The following TMEM132B variants were observed in gnomAD, a reference collection of about 807,000 sequenced individuals.
TMEM132B encodes the protein transmembrane protein 132B.
Under a neutral mutation model 90.8 loss-of-function variants are expected in TMEM132B, and 18 were observed. That is an observed-to-expected ratio of 0.20 (90% confidence interval 0.14 to 0.29). TMEM132B has a LOEUF of 0.29. Ranked by LOEUF, TMEM132B falls within the 10% of genes least tolerant of loss-of-function variation. The probability of loss-of-function intolerance (pLI) is 1.00; values close to 1 mark genes in which losing one functional copy is unlikely to be tolerated. For missense variants in TMEM132B, 1,096 were observed against 1,326.8 expected, an observed-to-expected ratio of 0.83 and a Z score of 2.70; for synonymous variants, 504 against 523.3, an observed-to-expected ratio of 0.96 and a Z score of 0.50.
At chr12:125,201,751 G>A (rs542123981) in intron 1 of TMEM132B, among the ~76,000 whole-genome samples, 1 of 152,344 alleles carries the variant, frequency 6.6e-6, no homozygotes, top group African/African-American at 2.4e-5. Flanking sequence ...GATTAAGGGA[G>A]ATATTGTGTA....
At chr12:125,191,442 T>A (rs1303570473) in intron 1 of TMEM132B, among the ~76,000 whole-genome samples, 3 of 152,080 alleles carry the variant, frequency 2.0e-5, no homozygotes, top group Non-Finnish European at 4.4e-5. Flanking sequence ...AGGATTAGGA[T>A]CCCAGCCCAG....
At chr12:125,440,527 C>T (rs895265973) in intron 3 of TMEM132B, among the ~76,000 whole-genome samples, 2 of 152,222 alleles carry the variant, frequency 1.3e-5, no homozygotes, top group East Asian at 1.9e-4. Flanking sequence ...CATTAGGACC[C>T]GCGATTATTT....
In TMEM132B at chr12:125,302,363, T is replaced by TA. The variant is rs527250787; in HGVS notation, c.68-47075dup. Among the ~76,000 whole-genome samples, 230 of 137,108 alleles carry TA rather than the reference T, an allele frequency of 1.7e-3. 1 individual carries two copies. The highest frequency in any genetic ancestry group is 5.9e-3 in the South Asian group (25 of 4,216). The allele number at this position is 137,108 out of a possible 152,430, so 89.9% of individuals were successfully genotyped here. A position where few individuals can be genotyped will look rare whatever the true frequency, so the allele number is the denominator to read the frequency against. On this transcript the variant is annotated intron_variant, in intron 1 of 8. Coordinates refer to ENST00000682704, the MANE Select transcript of TMEM132B (RefSeq NM_001366854.1). ...CTGGGTGAAAGAATCAGATCCTGTC[T>TA]AAAAAAAAAAAAAAGTGAGCCTGGC...
rs1458075923 is a variant in TMEM132B, at chr12:125,432,528, T to TATAGAGAGAGAGAG, written c.1106+16852_1106+16853insTAGAGAGAGAGAGA. 2.6e-4 allele frequency among the ~76,000 whole-genome samples: 10 copies of TATAGAGAGAGAGAG among 39,128 alleles called. 3 individuals are homozygous for TATAGAGAGAGAGAG. Among genetic ancestry groups the TATAGAGAGAGAGAG allele is most frequent in the Non-Finnish European group, 4.5e-4 (9 of 20,094 alleles). 25.7% of individuals were successfully genotyped at this position (39,128 alleles called of 152,430 possible). ...GTGTGTGTGTATATATATATATATA[T>TATAGAGAGAGAGAG]AGAGAGAGAGAGAGAGAGAGAGAGA... is the stretch of plus-strand genomic sequence containing the variant. On this transcript the variant is annotated intron_variant, in intron 3 of 8. Coordinates refer to ENST00000682704, the MANE Select transcript of TMEM132B (RefSeq NM_001366854.1).
At chr12:125,346,397 A>G (rs189990967) in intron 1 of TMEM132B, among the ~76,000 whole-genome samples, 1 of 152,344 alleles carries the variant, frequency 6.6e-6, no homozygotes, top group Admixed American at 6.5e-5. Flanking sequence ...ACGAGAAGTA[A>G]AATTCAAGCC....
At chr12:125,648,034 C>T (rs1886811189) in intron 6 of TMEM132B, among the ~76,000 whole-genome samples, 1 of 148,156 alleles carries the variant, frequency 6.7e-6, no homozygotes, top group East Asian at 2.0e-4. Flanking sequence ...GGTATATCTC[C>T]CAATGCTACC....
At chr12:125,517,484 G>C (rs549511273) in intron 3 of TMEM132B, among the ~76,000 whole-genome samples, 10 of 151,720 alleles carry the variant, frequency 6.6e-5, no homozygotes, top group Admixed American at 6.6e-5. Context: ...GAGCCACCAC[G>C]CCCGGCCCAA....
intron 1 of TMEM132B, among the ~76,000 whole-genome samples, chr12:125,214,091 A>G (rs142539255): frequency 1.3e-5 from 2 of 152,186 alleles, no homozygotes; most frequent in Non-Finnish European, 2.9e-5. Flanking sequence ...GGAGGTCTGA[A>G]TCGGGAGCAG....
chr12:125,607,053 T>G (rs1885713853), intron 5 of TMEM132B, among the ~76,000 whole-genome samples: 1 of 152,162 alleles, frequency 6.6e-6, no homozygotes, highest in Non-Finnish European at 1.5e-5. Flanking sequence ...TGCAGAGGTT[T>G]ATTCCTAGTC....
chr12:125,508,256 T>A (rs1401890920), intron 3 of TMEM132B, among the ~76,000 whole-genome samples: 1 of 152,194 alleles, frequency 6.6e-6, no homozygotes, highest in Non-Finnish European at 1.5e-5. Flanking sequence ...TCTAGGTGAA[T>A]GTGAGCACTC....
intron 4 of TMEM132B, among the ~76,000 whole-genome samples, chr12:125,571,003 A>G (rs906330966): frequency 4.6e-5 from 7 of 152,222 alleles, no homozygotes; most frequent in African/African-American, 1.4e-4. Context: ...TGTTTCTACT[A>G]AAAACTAAGT....
intron 3 of TMEM132B, among the ~76,000 whole-genome samples, chr12:125,484,207 T>C (rs1361736499): frequency 6.6e-6 from 1 of 152,152 alleles, no homozygotes; most frequent in Admixed American, 6.5e-5. Context: ...GCTTACACCT[T>C]ACCCCTCTTG....
intron 1 of TMEM132B, among the ~76,000 whole-genome samples, chr12:125,188,763 C>T (rs928798991): frequency 7.0e-6 from 1 of 143,530 alleles, no homozygotes; most frequent in African/African-American, 2.6e-5. Flanking sequence ...TCCCTGGAAG[C>T]ACATGCAAGT....
intron 1 of TMEM132B, among the ~76,000 whole-genome samples, chr12:125,338,529 G>A (rs963937630): frequency 3.3e-5 from 5 of 152,196 alleles, no homozygotes; most frequent in African/African-American, 1.2e-4. Context: ...GGTCTGCCTG[G>A]AGTGGGTGTC....
intron 1 of TMEM132B, among the ~76,000 whole-genome samples, chr12:125,271,644 A>G (rs1474993991): frequency 1.3e-5 from 2 of 152,242 alleles, no homozygotes; most frequent in South Asian, 2.1e-4. Flanking sequence ...TTGAATTGCA[A>G]ACCTACTATG....
chr12:125,312,394 T>C lies in TMEM132B; in HGVS notation c.68-37058T>C, dbSNP rs562628780. ...AGATCCTCCAGATTCATCTGGTACATGTCTTGCTCTGGACATGGGCTCAGC... is the reference window on the plus strand; with the variant it reads ...AGATCCTCCAGATTCATCTGGTACACGTCTTGCTCTGGACATGGGCTCAGC... On this transcript the variant is annotated intron_variant, in intron 1 of 8. Coordinates refer to ENST00000682704, the MANE Select transcript of TMEM132B (RefSeq NM_001366854.1). Among the ~76,000 whole-genome samples the C allele has an allele frequency of 3.9e-5, 6 of 152,360 alleles. No individual in the cohort carries two copies. The East Asian group carries it at 5.8e-4, about 15-fold the overall frequency.
intron 1 of TMEM132B, among the ~76,000 whole-genome samples, chr12:125,197,910 T>C (rs1331481924): frequency 1.3e-5 from 2 of 152,216 alleles, no homozygotes; most frequent in Non-Finnish European, 2.9e-5. Context: ...GTAATTACAG[T>C]AGATTTATGT....
intron 3 of TMEM132B, among the ~76,000 whole-genome samples, chr12:125,484,240 A>C (rs893703659): frequency 3.3e-5 from 5 of 150,910 alleles, no homozygotes; most frequent in African/African-American, 1.2e-4. Context: ...TGCATAATCT[A>C]ATGTTCTCCA....
chr12:125,278,052 A>G (rs1200916644), intron 1 of TMEM132B, among the ~76,000 whole-genome samples: 1 of 152,124 alleles, frequency 6.6e-6, no homozygotes, highest in African/African-American at 2.4e-5. Flanking sequence ...TTGTTTCGTG[A>G]TAGATCTGGG....
Sources: allele counts gnomAD v4.1 joint callset (sites outside exome capture counted in the v4.1 genomes callset), GRCh38; gene constraint gnomAD v4.1.1; transcripts MANE v1.5; gene names NCBI Gene and HGNC (gene_info 2026-07-23, HGNC 2026-07-21).